The following ADH1A variants were observed in gnomAD, a reference collection of about 807,000 sequenced individuals.
The protein encoded by ADH1A is alcohol dehydrogenase 1A.
ADH1A carries 29 observed loss-of-function variants against 35.2 expected under a neutral mutation model. The observed-to-expected ratio is 0.82, with a 90% confidence interval of 0.61 to 1.12. The LOEUF (loss-of-function observed/expected upper bound fraction) is 1.12. Among genes scored for constraint, ADH1A ranks in the 50% most tolerant of loss-of-function variants. ADH1A has a pLI of 0.00. For synonymous variants in ADH1A, 147 were observed against 164.8 expected (o/e 0.89, Z 0.83); for missense variants, 469 against 464.7 (o/e 1.01, Z -0.09).
chr4:99,284,446 C>T lies in ADH1A; in HGVS notation c.520G>A (p.Gly174Ser). 6.2e-7 allele frequency: 1 copy of T among 1,614,108 alleles called. No individual in the cohort carries two copies. Among genetic ancestry groups the T allele is most frequent in the South Asian group, 1.1e-5 (1 of 91,076 alleles). Reference sequence around the variant, plus strand: ...CCATAACCAGTTGAAAATCCACAGCCAATGAGACAGACTTTCTCTAGAGGC... The same window carrying T: ...CCATAACCAGTTGAAAATCCACAGCTAATGAGACAGACTTTCTCTAGAGGC... ...ASPLEKVCLI[G>S]CGFSTGYGSA... The change falls in exon 5 of 9, where the codon GGC (glycine) becomes AGC (serine). Residue 174 changes from glycine (G) to serine (S), a missense_variant. By Grantham distance (56) the Gly-to-Ser change is moderately conservative (BLOSUM62 0). Transcript: ENST00000209668.
chr4:99,280,419 CT>C, intron 6 of ADH1A, 140 bp from the exon 7 acceptor site: 1 of 1,407,336 alleles, frequency 7.1e-7, no homozygotes, highest in Non-Finnish European at 9.7e-7. Flanking sequence ...CTTCAGTCCC[CT>C]TTTTTGCACG....
chr4:99,282,296 A>G (rs1038647729), intron 6 of ADH1A, 50 bp downstream of exon 6: 21 of 1,614,166 alleles, frequency 1.3e-5, no homozygotes, highest in Non-Finnish European at 1.8e-5. Flanking sequence ...GCCTAAATGC[A>G]TCCTCCAAGT....
At chr4:99,284,680 C>G in intron 4 of ADH1A, 36 bp downstream of exon 4, 1 of 1,613,550 alleles carries the variant, frequency 6.2e-7, no homozygotes, top group Non-Finnish European at 8.5e-7. Flanking sequence ...AATGTGCAAA[C>G]TCAATGTCTG....
intron 8 of ADH1A, 45 bp downstream of exon 8, chr4:99,279,381 A>G (rs746706633): frequency 9.6e-6 from 15 of 1,565,398 alleles, no homozygotes; most frequent in Middle Eastern, 1.7e-4. Context: ...ACAATCCCCT[A>G]TGGTAGAAAA....
intron 3 of ADH1A, 71 bp downstream of exon 3, chr4:99,286,779 C>CT (rs1733161998): frequency 1.3e-6 from 2 of 1,587,782 alleles, no homozygotes; most frequent in South Asian, 2.3e-5. Flanking sequence ...CTCTTTGCCT[C>CT]TGTTTCCTCA....
chr4:99,279,482 A>G lies in ADH1A; in HGVS notation c.1047T>C (p.His349=), dbSNP rs754111714. Residue 349 remains histidine, a synonymous_variant, in exon 8 of 9, where the codon CAT becomes CAC. Transcript: ENST00000209668. ...KKFSLDALIT[H]VLPFEKINEG... Reference sequence around the variant, plus strand: ...CATTTATTTTTTCAAAAGGTAAAACATGGGTTATTAATGCATCCAATGAAA... The same window carrying G: ...CATTTATTTTTTCAAAAGGTAAAACGTGGGTTATTAATGCATCCAATGAAA... The G allele has an allele frequency of 1.4e-5, 23 of 1,611,770 alleles. No individual in the cohort carries two copies. The highest frequency in any genetic ancestry group is 2.7e-5 in the African/African-American group (2 of 74,782).
Position 99,280,193 on chromosome 4 carries a change from G to A in ADH1A, c.915C>T (p.Asn305=). 1 of 1,613,818 alleles carries A rather than the reference G, an allele frequency of 6.2e-7. No homozygotes were observed. The highest frequency in any genetic ancestry group is 8.5e-7 in the Non-Finnish European group (1 of 1,179,862). The change falls in exon 7 of 9, where the codon AAC becomes AAT. Residue 305 remains asparagine, a synonymous_variant. Transcript: ENST00000209668. ...VPPDSQNLSM[N]PMLLLTGRTW... is the part of the protein sequence containing the mutation. Reference sequence around the variant, plus strand: ...TACGTCCAGTCAGTAGCAGCATAGGGTTCATTGAGAGGTTTTGGGAATCAG... The same window carrying A: ...TACGTCCAGTCAGTAGCAGCATAGGATTCATTGAGAGGTTTTGGGAATCAG...
chr4:99,284,330 G>C (rs1733084965), intron 5 of ADH1A, 69 bp downstream of exon 5: 5 of 1,485,310 alleles, frequency 3.4e-6, no homozygotes, highest in Non-Finnish European at 4.7e-6. Flanking sequence ...ATTCTTGTGA[G>C]ACATTCCTTC....
intron 1 of ADH1A, among the ~76,000 whole-genome samples, chr4:99,290,251 A>G (rs868527561): frequency 1.3e-5 from 2 of 152,186 alleles, no homozygotes; most frequent in Non-Finnish European, 2.9e-5. Flanking sequence ...CTGTAAAACC[A>G]TATTGACTTT....
chr4:99,290,446 A>C (rs1294659454), intron 1 of ADH1A, among the ~76,000 whole-genome samples: 1 of 152,212 alleles, frequency 6.6e-6, no homozygotes, highest in Non-Finnish European at 1.5e-5. Context: ...GGTATTTCAA[A>C]GTCTTCTAAA....
At chr4:99,281,044 T>C (rs1732989975) in intron 6 of ADH1A, 1 of 152,186 alleles carries the variant, frequency 6.6e-6, no homozygotes. Context: ...AGATATTTGG[T>C]ATCTTGAGAT....
Position 99,286,890 on chromosome 4 carries a change from G to A in ADH1A, c.219C>T (p.Ile73=), listed in dbSNP as rs757130922. The A allele has an allele frequency of 4.9e-5, 79 of 1,614,028 alleles. 1 individual carries two copies. Among genetic ancestry groups the A allele is most frequent in the Admixed American group, 1.7e-4 (10 of 59,992 alleles). ...TCACCCCTTCTCCAACACTCTCCAC[G>A]ATGCCGGCTGCCTCATGGCCTAAAA... ...PVILGHEAAG[I]VESVGEGVTT... is the part of the protein sequence containing the mutation. The change falls in exon 3 of 9, where the codon ATC becomes ATT. Residue 73 remains isoleucine (I), a synonymous_variant. Coordinates refer to ENST00000209668, the MANE Select transcript of ADH1A (RefSeq NM_000667.4).
intron 1 of ADH1A, 35 bp downstream of exon 1, chr4:99,290,862 A>C (rs1733271588): frequency 6.3e-7 from 1 of 1,596,452 alleles, no homozygotes; most frequent in African/African-American, 1.3e-5. Context: ...TATTGATGAG[A>C]ATATAGTTCC....
chr4:99,286,735 G>C, intron 3 of ADH1A, 115 bp downstream of exon 3: 1 of 1,516,680 alleles, frequency 6.6e-7, no homozygotes, highest in Middle Eastern at 2.5e-4. Flanking sequence ...TGAAGTCCTG[G>C]CTGCGCGGTG....
At chr4:99,276,884 C>T (rs554623966) in intron 8 of ADH1A, among the ~76,000 whole-genome samples, 22 of 152,240 alleles carry the variant, frequency 1.4e-4, no homozygotes, top group Non-Finnish European at 2.8e-4. Flanking sequence ...GTCATTTAGA[C>T]TTCAATACTA....
In ADH1A at chr4:99,276,518, TA is replaced by T; in HGVS notation, c.*105del. ...AAAGCCCCCAAATGTAATTTATTGA[TA>T]AAATCTGTGATGAGCAGAATTAATG... On this transcript the variant is annotated 3_prime_UTR_variant, in exon 9 of 9. Transcript: ENST00000209668. The T allele has an allele frequency of 9.9e-7, 1 of 1,012,318 alleles. No individual in the cohort carries two copies. Among genetic ancestry groups the T allele is most frequent in the Non-Finnish European group, 1.5e-6 (1 of 653,238 alleles). The allele number at this position is 1,012,318 out of a possible 1,614,324, so 62.7% of individuals were successfully genotyped here.
Position 99,279,413 on chromosome 4 carries a change from C to T in ADH1A, c.1103+13G>A. On this transcript the variant is annotated intron_variant, in intron 8 of 8. Transcript: ENST00000209668. ...AAAAAAAAGCAAAACAGAAAACTAA[C>T]TAAAAAATCTACCTTTTCCCAGAGT... is the stretch of plus-strand genomic sequence containing the variant. 2 of 1,583,102 alleles carry T rather than the reference C, an allele frequency of 1.3e-6. No homozygotes were observed. The highest frequency in any genetic ancestry group is 1.7e-6 in the Non-Finnish European group (2 of 1,171,256).
chr4:99,286,922 G>A lies in ADH1A; in HGVS notation c.187C>T (p.Pro63Ser), dbSNP rs1006724795. 10 of 1,614,158 alleles carry A rather than the reference G, an allele frequency of 6.2e-6. No individual in the cohort carries two copies. Among genetic ancestry groups the A allele is most frequent in the Non-Finnish European group, 8.5e-6 (10 of 1,180,018 alleles). The change falls in exon 3 of 9, where the codon CCT becomes TCT. Residue 63 changes from proline (P) to serine (S), a missense_variant. Coordinates refer to ENST00000209668, the MANE Select transcript of ADH1A (RefSeq NM_000667.4). ...GCTGCCTCATGGCCTAAAATCACAG[G>A]AAGTGGGGTCACCATGGTACCACTA... is the stretch of plus-strand genomic sequence containing the variant. Reference protein sequence around the residue: ...VVSGTMVTPLPVILGHEAAGI... With the variant: ...VVSGTMVTPLSVILGHEAAGI...
rs894411195 is a variant in ADH1A at position 99,276,520 on chromosome 4, A to C, written c.*104T>G. ...AGCCCCCAAATGTAATTTATTGATA[A>C]AATCTGTGATGAGCAGAATTAATGA... On this transcript the variant is annotated 3_prime_UTR_variant, in exon 9 of 9. Transcript: ENST00000209668. 1.3e-4 allele frequency: 138 copies of C among 1,024,834 alleles called. No individual in the cohort carries two copies. Among genetic ancestry groups the C allele is most frequent in the Non-Finnish European group, 1.9e-4 (123 of 664,418 alleles). The allele number at this position is 1,024,834 out of a possible 1,614,324, so 63.5% of individuals were successfully genotyped here.
Sources: allele counts gnomAD v4.1 joint callset (sites outside exome capture counted in the v4.1 genomes callset), GRCh38; gene constraint gnomAD v4.1.1; transcripts MANE v1.5; gene names NCBI Gene and HGNC (gene_info 2026-07-23, HGNC 2026-07-21).